Variants in UTP4 observed in about 807,000 individuals in gnomAD.
The protein encoded by UTP4 is U3 small nucleolar RNA-associated protein 4 homolog.
A neutral mutation model predicts 82.4 loss-of-function variants in UTP4; 45 were observed. That is an observed-to-expected ratio of 0.55 (90% CI 0.43 to 0.70). The LOEUF is 0.70. UTP4 is among the 30% of genes least tolerant of loss of function. The pLI is 0.00. For synonymous variants in UTP4, 348 were observed against 300.3 expected, an observed-to-expected ratio of 1.16 and a Z score of -1.64; for missense variants, 819 against 858.3, an observed-to-expected ratio of 0.95 and a Z score of 0.57.
At position 69,137,785 on chromosome 16, in the gene UTP4, C is replaced by T. The variant is rs368415223; in HGVS notation, c.352-16C>T. 1.6e-5 allele frequency: 24 copies of T among 1,513,054 alleles called. No homozygotes were observed. In the Admixed American group the frequency reaches 1.8e-4, roughly 12 times the overall value. 93.7% of individuals were successfully genotyped at this position (1,513,054 alleles called of 1,614,324 possible). ...TACTATTGATTTTTTCTGTTTACTA[C>T]CTCTTTCTCAAATAGGTTGGTTGTG... On this transcript the variant is annotated splice_polypyrimidine_tract_variant and intron_variant, in intron 3 of 16. Transcript: ENST00000314423.
At chr16:69,136,540 T>C (rs1844760895) in intron 2 of UTP4, 156 bp from the exon 3 acceptor site, 1 of 759,108 alleles carries the variant, frequency 1.3e-6, no homozygotes, top group Middle Eastern at 3.7e-4. Context: ...GAATTTGAGC[T>C]GAAAAAATGA....
At position 69,165,389 on chromosome 16, in the gene UTP4, A is replaced by C; in HGVS notation, c.1696A>C (p.Thr566Pro). 1 of 1,614,138 alleles carries C rather than the reference A, an allele frequency of 6.2e-7. No individual in the cohort carries two copies. Residue 566 changes from threonine (T) to proline (P), a missense_variant, in exon 15 of 17, where the codon ACT becomes CCT. Coordinates refer to ENST00000314423, the MANE Select transcript of UTP4 (RefSeq NM_032830.3). ...CAAACAGTATACAGATTGGAGCCGG[A>C]CTGTCCAGAAGCAGGGCTTTCACCA... Reference protein sequence around the residue: ...PDKQYTDWSRTVQKQGFHHLW... With the variant: ...PDKQYTDWSRPVQKQGFHHLW...
intron 8 of UTP4, among the ~76,000 whole-genome samples, chr16:69,152,359 C>T (rs745483235): frequency 3.3e-5 from 5 of 152,088 alleles, no homozygotes; most frequent in Non-Finnish European, 5.9e-5. Context: ...AATCTTGGCT[C>T]ACTGTAACCT....
chr16:69,147,720 T>G (rs1963155670), intron 6 of UTP4, among the ~76,000 whole-genome samples: 1 of 152,194 alleles, frequency 6.6e-6, no homozygotes, highest in South Asian at 2.1e-4. Context: ...CATACGTCCC[T>G]GATACACATA....
chr16:69,168,422 C>T (rs982595251), intron 16 of UTP4, among the ~76,000 whole-genome samples: 10 of 97,638 alleles, frequency 1.0e-4, no homozygotes, highest in Non-Finnish European at 1.6e-4. Flanking sequence ...GGCGGCAGAG[C>T]GAGACTGTCT....
At chr16:69,158,344 T>C (rs934630870) in intron 12 of UTP4, among the ~76,000 whole-genome samples, 2 of 151,378 alleles carry the variant, frequency 1.3e-5, no homozygotes, top group African/African-American at 4.9e-5. Context: ...TTTGTATTTT[T>C]GTAGAGACAG....
chr16:69,168,342 G>A (rs113011668), intron 16 of UTP4, among the ~76,000 whole-genome samples: 8,110 of 150,540 alleles, frequency 0.054, 245 homozygotes, highest in South Asian at 0.076. Context: ...AGGCTGAGGC[G>A]GGAGAATGGC....
At chr16:69,138,033 G>T (rs1962856036) in intron 4 of UTP4, 148 bp downstream of exon 4, 5 of 665,214 alleles carry the variant, frequency 7.5e-6, no homozygotes, top group Non-Finnish European at 1.3e-5. Context: ...GCCATCCCCA[G>T]CCCAGGCTTT....
rs539396415 is a variant in UTP4 at position 69,138,052 on chromosome 16, T to TA, written c.436+168dup. Reference sequence around the variant, plus strand: ...TCCCCAGCCCAGGCTTTACCCATTGTATAGCATAGTTGTGACTGCTTGGTT... The same window carrying TA: ...TCCCCAGCCCAGGCTTTACCCATTGTAATAGCATAGTTGTGACTGCTTGGTT... On this transcript the variant is annotated intron_variant, in intron 4 of 16. Transcript: ENST00000314423. 4.6e-4 allele frequency: 289 copies of TA among 627,550 alleles called. 2 individuals are homozygous for TA. Among genetic ancestry groups the TA allele is most frequent in the African/African-American group, 4.6e-3 (250 of 54,540 alleles). 38.9% of individuals were successfully genotyped at this position (627,550 alleles called of 1,614,324 possible).
In UTP4 at chr16:69,155,960, G is replaced by A. The variant is rs1963399436; in HGVS notation, c.1254G>A (p.Leu418=). The change falls in exon 11 of 17, where the codon CTG becomes CTA. Residue 418 remains leucine, a synonymous_variant. Coordinates refer to ENST00000314423, the MANE Select transcript of UTP4 (RefSeq NM_032830.3). ...TTTCTCGGTTTTTTCTCTATCGGCT[G>A]AATTATGAACATGACAACATAAGCC... is the stretch of plus-strand genomic sequence containing the variant. ...STVSRFFLYR[L]NYEHDNISLK... is the part of the protein sequence containing the mutation. 1.2e-6 allele frequency: 2 copies of A among 1,614,058 alleles called. No individual in the cohort carries two copies. Among genetic ancestry groups the A allele is most frequent in the East Asian group, 4.5e-5 (2 of 44,882 alleles).
intron 16 of UTP4, 117 bp from the exon 17 acceptor site, chr16:69,168,704 A>G: frequency 1.3e-6 from 1 of 780,448 alleles, no homozygotes; most frequent in Non-Finnish European, 2.3e-6. Context: ...AATTTAAATC[A>G]TTTGAGCCTT....
At chr16:69,159,643 G>T (rs1339858691) in intron 12 of UTP4, among the ~76,000 whole-genome samples, 1 of 151,806 alleles carries the variant, frequency 6.6e-6, no homozygotes, top group African/African-American at 2.4e-5. Flanking sequence ...AGCCGAGATT[G>T]CACCACTGCA....
rs151223751 is a variant in UTP4 at position 69,165,118 on chromosome 16, C to T, written c.1648-223C>T. Among the ~76,000 whole-genome samples the T allele has an allele frequency of 9.4e-3, 1,426 of 151,612 alleles. 13 individuals are homozygous for T. Among genetic ancestry groups the T allele is most frequent in the Non-Finnish European group, 0.013 (859 of 67,928 alleles). On this transcript the variant is annotated intron_variant, in intron 14 of 16. Transcript: ENST00000314423. Reference sequence around the variant, plus strand: ...GCTGAGGCAGGAGAACGGCTTGAACCGGGGAGGCGGAGCTTGCAGTGAGCG... The same window carrying T: ...GCTGAGGCAGGAGAACGGCTTGAACTGGGGAGGCGGAGCTTGCAGTGAGCG...
chr16:69,134,725 C>T (rs1191709157), intron 2 of UTP4, among the ~76,000 whole-genome samples: 6 of 129,370 alleles, frequency 4.6e-5, no homozygotes, highest in Admixed American at 1.7e-4. Flanking sequence ...TTTTTGGAGA[C>T]GGAGTCTTGC....
chr16:69,151,021 T>G lies in UTP4; in HGVS notation c.1002+117T>G, dbSNP rs1963248734. Reference sequence around the variant, plus strand: ...CAAATTTGTAGGACTTTTTTTTTTTTTTTGAGACAGAGTTTGCTCTTGTTG... The same window carrying G: ...CAAATTTGTAGGACTTTTTTTTTTTGTTTGAGACAGAGTTTGCTCTTGTTG... On this transcript the variant is annotated intron_variant, in intron 8 of 16. Transcript: ENST00000314423. The G allele has an allele frequency of 8.6e-6, 7 of 812,318 alleles. No individual in the cohort carries two copies. The South Asian group carries it at 1.0e-4, about 12-fold the overall frequency. 50.3% of individuals were successfully genotyped at this position (812,318 alleles called of 1,614,324 possible).
intron 5 of UTP4, among the ~76,000 whole-genome samples, chr16:69,140,982 T>C (rs1962944624): frequency 6.6e-6 from 1 of 152,224 alleles, no homozygotes; most frequent in African/African-American, 2.4e-5. Flanking sequence ...ATTATGACTA[T>C]GTATATACTA....
chr16:69,147,913 C>A (rs1963160511), intron 6 of UTP4, among the ~76,000 whole-genome samples: 1 of 152,038 alleles, frequency 6.6e-6, no homozygotes, highest in Admixed American at 6.6e-5. Flanking sequence ...ACTACAGGCT[C>A]ATGCCACCAC....
intron 11 of UTP4, among the ~76,000 whole-genome samples, 161 bp downstream of exon 11, chr16:69,156,154 C>CTT (rs36043898): frequency 0.043 from 5,554 of 130,422 alleles, 218 homozygotes; most frequent in South Asian, 0.097. Context: ...TTCTTTCTTT[C>CTT]TTTTTTTTTT....
At chr16:69,163,560 T>A (rs1160840939) in intron 14 of UTP4, among the ~76,000 whole-genome samples, 1 of 152,104 alleles carries the variant, frequency 6.6e-6, no homozygotes, top group Non-Finnish European at 1.5e-5. Flanking sequence ...CATTCACCTT[T>A]ACGCTTGCCG....
Sources: allele counts gnomAD v4.1 joint callset (sites outside exome capture counted in the v4.1 genomes callset), GRCh38; gene constraint gnomAD v4.1.1; transcripts MANE v1.5; gene names NCBI Gene and HGNC (gene_info 2026-07-23, HGNC 2026-07-21).